Variants in THOC5 observed in about 807,000 individuals in gnomAD.
THOC5 encodes THO complex subunit 5.
THOC5 carries 43 observed loss-of-function variants against 92.9 expected under a neutral mutation model. The ratio of observed to expected loss-of-function variants is 0.46; its 90% confidence interval spans 0.36 to 0.60. The LOEUF (loss-of-function observed/expected upper bound fraction) is 0.60, where lower values mean the gene tolerates loss of function less well. THOC5 is among the 20% of genes least tolerant of loss of function. The pLI is 0.00. For synonymous variants in THOC5, 296 were observed against 320.1 expected (o/e 0.92, Z 0.80); for missense variants, 659 against 849.4 (o/e 0.78, Z 2.79).
chr22:29,546,741 G>C lies in THOC5; in HGVS notation c.97-2138C>G, dbSNP rs189125856. On this transcript the variant is annotated intron_variant, in intron 2 of 19. Coordinates refer to ENST00000490103, the MANE Select transcript of THOC5 (RefSeq NM_003678.5). ...AAGCGTGAGCCACCGTGCCCAGCCG[G>C]GTTTTTCTTTTCTACTGTGTCATCA... Among the ~76,000 whole-genome samples the C allele has an allele frequency of 1.2e-3, 188 of 151,294 alleles. 1 individual carries two copies. The highest frequency in any genetic ancestry group is 6.9e-3 in the Middle Eastern group (2 of 290).
chr22:29,508,566 C>A, intron 19 of THOC5, 46 bp from the exon 20 acceptor site: 1 of 1,515,586 alleles, frequency 6.6e-7, no homozygotes. Context: ...ACCTTCTAGG[C>A]TGATAAAATA....
chr22:29,545,147 G>A, intron 2 of THOC5: 1 of 404,088 alleles, frequency 2.5e-6, no homozygotes, highest in Non-Finnish European at 4.9e-6. Flanking sequence ...AAAATGAGGA[G>A]GAAGCAAAAG....
intron 7 of THOC5, chr22:29,535,320 A>G (rs1387103700): frequency 6.6e-6 from 1 of 151,216 alleles, no homozygotes; most frequent in Non-Finnish European, 1.5e-5. Flanking sequence ...AAGGTGGGTA[A>G]GGAAAAGGAA....
At chr22:29,539,076 C>A (rs1251865685) in intron 6 of THOC5, among the ~76,000 whole-genome samples, 1 of 145,356 alleles carries the variant, frequency 6.9e-6, no homozygotes, top group Non-Finnish European at 1.5e-5. Flanking sequence ...CACCACCGCA[C>A]TCCAGCCTGG....
intron 15 of THOC5, 138 bp from the exon 16 acceptor site, chr22:29,517,504 C>A: frequency 2.9e-6 from 2 of 693,084 alleles, no homozygotes; most frequent in South Asian, 3.6e-5. Flanking sequence ...TCAGGAAGTA[C>A]CCAGGTCAAC....
At chr22:29,547,108 T>G (rs148984789) in intron 2 of THOC5, among the ~76,000 whole-genome samples, 3,244 of 152,044 alleles carry the variant, frequency 0.021, 131 homozygotes, top group African/African-American at 0.074. Flanking sequence ...CCTCCCAAAG[T>G]GCTAGGATTA....
intron 2 of THOC5, among the ~76,000 whole-genome samples, chr22:29,546,550 C>T (rs1159543623): frequency 1.9e-5 from 1 of 52,642 alleles, no homozygotes; most frequent in Middle Eastern, 7.8e-3. Context: ...CTGCCTCAGG[C>T]TTGGAGATTA....
intron 2 of THOC5, among the ~76,000 whole-genome samples, chr22:29,548,085 T>C (rs917115154): frequency 1.4e-4 from 21 of 152,134 alleles, no homozygotes; most frequent in African/African-American, 5.1e-4. Context: ...AAGAACAGCA[T>C]GGGAAAGACC....
chr22:29,544,705 C>T, intron 2 of THOC5, 102 bp from the exon 3 acceptor site: 2 of 1,216,960 alleles, frequency 1.6e-6, no homozygotes, highest in Non-Finnish European at 2.2e-6. Context: ...AAAACAGTAA[C>T]AATGAAGCCT....
intron 17 of THOC5, among the ~76,000 whole-genome samples, chr22:29,512,905 C>T (rs1347154660): frequency 2.0e-5 from 3 of 152,208 alleles, no homozygotes; most frequent in Non-Finnish European, 2.9e-5. Context: ...CCTTTTTCAA[C>T]AGGAAGACAT....
chr22:29,519,215 G>T, intron 14 of THOC5, 95 bp from the exon 15 acceptor site: 1 of 768,092 alleles, frequency 1.3e-6, no homozygotes. Flanking sequence ...GCGGCACCCT[G>T]GATTATCCAT....
rs565602668 is a variant in THOC5, at chr22:29,514,606, G to A, written c.1681+2423C>T. Reference sequence around the variant, plus strand: ...GCTGGGATTACACACCTGAGCCACCGCACCCGGCCATGACTGAAGAATTAT... The same window carrying A: ...GCTGGGATTACACACCTGAGCCACCACACCCGGCCATGACTGAAGAATTAT... On this transcript the variant is annotated intron_variant, in intron 17 of 19. Transcript: ENST00000490103. 3.4e-4 allele frequency among the ~76,000 whole-genome samples: 52 copies of A among 151,632 alleles called. 1 individual carries two copies. Among genetic ancestry groups the A allele is most frequent in the Admixed American group, 1.6e-3 (24 of 15,198 alleles).
Position 29,551,382 on chromosome 22 carries a change from C to T in THOC5, c.-11-2224G>A, listed in dbSNP as rs192758812. On this transcript the variant is annotated intron_variant, in intron 1 of 19. Coordinates refer to ENST00000490103, the MANE Select transcript of THOC5 (RefSeq NM_003678.5). ...CCAGGGAGCAGAGGTTGCAATGAGCCGAGATCGCAGCCACTTCACTCCAGC... is the reference window on the plus strand; with the variant it reads ...CCAGGGAGCAGAGGTTGCAATGAGCTGAGATCGCAGCCACTTCACTCCAGC... 7.4e-4 allele frequency among the ~76,000 whole-genome samples: 113 copies of T among 152,074 alleles called. 1 individual carries two copies. In the East Asian group the frequency reaches 0.018, roughly 24 times the overall value.
At chr22:29,534,649 T>A (rs1388548482) in intron 7 of THOC5, 1 of 152,000 alleles carries the variant, frequency 6.6e-6, no homozygotes, top group Non-Finnish European at 1.5e-5. Context: ...GTACAATATA[T>A]AAAGTAAAAT....
At chr22:29,518,397 A>G (rs2063374108) in intron 15 of THOC5, among the ~76,000 whole-genome samples, 1 of 152,124 alleles carries the variant, frequency 6.6e-6, no homozygotes, top group African/African-American at 2.4e-5. Flanking sequence ...AGCATTTGAC[A>G]ACCACTTACT....
chr22:29,545,194 C>T (rs2063990683), intron 2 of THOC5: 2 of 282,890 alleles, frequency 7.1e-6, no homozygotes, highest in Admixed American at 4.5e-5. Flanking sequence ...TGTCGTGAGA[C>T]TTATTCACTA....
In THOC5 at chr22:29,544,514, T is replaced by C. The variant is rs375700978; in HGVS notation, c.186A>G (p.Leu62=). 3.1e-6 allele frequency: 5 copies of C among 1,613,994 alleles called. No homozygotes were observed. In the East Asian group the frequency reaches 1.1e-4, roughly 36 times the overall value. The change falls in exon 3 of 20, where the codon CTA becomes CTG. Residue 62 remains leucine (L), a synonymous_variant. Coordinates refer to ENST00000490103, the MANE Select transcript of THOC5 (RefSeq NM_003678.5). ...CTTGGATCTCAGCCATCAGCCTCTG[T>C]AGCTCCTGGCAGGTGTACTTGTATA... is the stretch of plus-strand genomic sequence containing the variant. ...YELYKYTCQE[L]QRLMAEIQDL...
chr22:29,531,242 G>A, intron 8 of THOC5: 1 of 1,012,872 alleles, frequency 9.9e-7, no homozygotes, highest in Non-Finnish European at 1.2e-6. Context: ...GTGTATGTCT[G>A]TCTGATGAGG....
At chr22:29,517,397 G>A (rs1190512428) in intron 15 of THOC5, 31 bp from the exon 16 acceptor site, 2 of 1,599,164 alleles carry the variant, frequency 1.3e-6, no homozygotes, top group Admixed American at 1.7e-5. Context: ...TGACGTCACA[G>A]GTAGAAATCA....
Sources: allele counts gnomAD v4.1 joint callset (sites outside exome capture counted in the v4.1 genomes callset), GRCh38; gene constraint gnomAD v4.1.1; transcripts MANE v1.5; gene names NCBI Gene and HGNC (gene_info 2026-07-23, HGNC 2026-07-21).